TRMT11: variants seen among roughly 807,000 people sequenced by gnomAD.
TRMT11 encodes the protein tRNA methyltransferase 11, also known as tRNA (guanine(10)-N(2))-methyltransferase TRMT11.
A neutral mutation model predicts 62.8 loss-of-function variants in TRMT11; 53 were observed. The observed-to-expected ratio is 0.84, with a 90% CI of 0.68 to 1.06. The LOEUF (loss-of-function observed/expected upper bound fraction) is 1.06. TRMT11 is among the 50% of genes least tolerant of loss of function. The pLI is 0.00. For synonymous variants in TRMT11, 188 were observed against 190.3 expected (o/e 0.99, Z 0.10); for missense variants, 556 against 553.4 (o/e 1.00, Z -0.05).
upstream of TRMT11, among the ~76,000 whole-genome samples, chr6:126,175,683 A>G (rs980114027): frequency 1.3e-5 from 2 of 152,180 alleles, no homozygotes; most frequent in East Asian, 1.9e-4. Context: ...ACATACAGAA[A>G]AGGCATTTTA....
chr6:126,047,920 C>CT (rs1776107167), intron 16 of TRMT11, among the ~76,000 whole-genome samples: 1 of 152,186 alleles, frequency 6.6e-6, no homozygotes, highest in East Asian at 1.9e-4. Flanking sequence ...CTCATGACTA[C>CT]TAAAGTGGAA....
the TRMT11 span, among the ~76,000 whole-genome samples, chr6:126,241,174 C>T: frequency 1.3e-5 from 2 of 152,212 alleles, no homozygotes; most frequent in Non-Finnish European, 1.5e-5. Flanking sequence ...GGTGATGCCT[C>T]GCCCTGCTTT....
intron 17 of TRMT11, among the ~76,000 whole-genome samples, chr6:126,108,391 A>G (rs1230558162): frequency 6.6e-6 from 1 of 152,228 alleles, no homozygotes; most frequent in Non-Finnish European, 1.5e-5. Context: ...AGTTCTTAAC[A>G]TATTTGACCT....
At chr6:126,210,710 T>C in the TRMT11 span, among the ~76,000 whole-genome samples, 1 of 152,222 alleles carries the variant, frequency 6.6e-6, no homozygotes. Flanking sequence ...GCTATCTCAA[T>C]TGCAATGTGT....
the TRMT11 span, among the ~76,000 whole-genome samples, chr6:126,210,935 C>T: frequency 1.3e-5 from 2 of 151,660 alleles, no homozygotes; most frequent in Non-Finnish European, 2.9e-5. Context: ...CACAAGTATG[C>T]CCTTCCCTGT....
chr6:126,060,207 C>T (rs188166460), intron 17 of TRMT11, among the ~76,000 whole-genome samples: 18 of 152,244 alleles, frequency 1.2e-4, no homozygotes, highest in South Asian at 4.1e-4. Flanking sequence ...TTTCTTCATG[C>T]GGTGGACCTG....
At chr6:126,030,344 C>T (rs536619191) in intron 12 of TRMT11, among the ~76,000 whole-genome samples, 1 of 152,240 alleles carries the variant, frequency 6.6e-6, no homozygotes, top group South Asian at 2.1e-4. Context: ...GAACTGAGCC[C>T]CGTTATATTC....
Position 126,140,339 on chromosome 6 carries a change from T to C in TRMT11, c.*1823+24484T>C, listed in dbSNP as rs1454731197. Among the ~76,000 whole-genome samples, 5 of 152,120 alleles carry C rather than the reference T, an allele frequency of 3.3e-5. No homozygotes were observed. In the East Asian group the frequency reaches 9.6e-4, roughly 29 times the overall value. On this transcript the variant is annotated intron_variant and NMD_transcript_variant, in intron 21 of 22. Transcript: ENST00000648977. ...AAAGTTATTTGTCCATGATTTCCTT[T>C]CTTGTGCTTTCTCTTGTTTTGGTAT...
chr6:126,084,424 A>G (rs1243807669), intron 17 of TRMT11, among the ~76,000 whole-genome samples: 1 of 152,066 alleles, frequency 6.6e-6, no homozygotes, highest in Non-Finnish European at 1.5e-5. Flanking sequence ...TTTTATAATC[A>G]GGTGATTTGT....
intron 12 of TRMT11, among the ~76,000 whole-genome samples, chr6:126,023,463 T>G (rs1349282513): frequency 6.6e-6 from 1 of 152,048 alleles, no homozygotes; most frequent in Non-Finnish European, 1.5e-5. Flanking sequence ...GCCTGGCCAA[T>G]GTAGTGAAAC....
chr6:126,215,848 G>A, the TRMT11 span, among the ~76,000 whole-genome samples: 4,036 of 151,954 alleles, frequency 0.027, 167 homozygotes, highest in African/African-American at 0.091. Context: ...CAAACAAACC[G>A]ACAAGCAAAA....
At chr6:126,185,118 A>C (rs1452411716) in intron 1 of TRMT11, among the ~76,000 whole-genome samples, 1 of 152,176 alleles carries the variant, frequency 6.6e-6, no homozygotes, top group Non-Finnish European at 1.5e-5. Context: ...AGGAGAAAAC[A>C]TGGTAGGTGA....
chr6:126,153,762 C>T (rs1397807546), intron 21 of TRMT11, among the ~76,000 whole-genome samples: 1 of 152,234 alleles, frequency 6.6e-6, no homozygotes, highest in Non-Finnish European at 1.5e-5. Context: ...TATCCACTCA[C>T]CACATCAGTC....
intron 16 of TRMT11, among the ~76,000 whole-genome samples, chr6:126,048,226 A>G (rs1436009321): frequency 6.6e-6 from 1 of 152,210 alleles, no homozygotes; most frequent in Non-Finnish European, 1.5e-5. Context: ...AACCAGTGCC[A>G]TTTCAATGGA....
intron 21 of TRMT11, among the ~76,000 whole-genome samples, chr6:126,148,371 A>T (rs1777999447): frequency 6.6e-6 from 1 of 152,212 alleles, no homozygotes; most frequent in Non-Finnish European, 1.5e-5. Flanking sequence ...AGTTTATGTG[A>T]TTTATTTAAT....
intron 1 of TRMT11, chr6:125,987,139 G>A (rs1336646071): frequency 6.4e-6 from 1 of 155,600 alleles, no homozygotes; most frequent in African/African-American, 2.4e-5. Flanking sequence ...CCCTCTAGGA[G>A]CTTACTGTTT....
rs546846973 is a variant in TRMT11, at chr6:126,021,373, A to T, written c.1260+93A>T. The stretch of plus-strand genomic sequence containing the variant: ...TCCTGTGATAGAGTTTGGAAATGTT[A>T]TTCCTTGATATTTTAAAAATTACAG... On this transcript the variant is annotated intron_variant, in intron 12 of 12. Transcript: ENST00000334379. 72 of 1,399,228 alleles carry T rather than the reference A, an allele frequency of 5.1e-5. No homozygotes were observed. The African/African-American group carries it at 8.3e-4, about 16-fold the overall frequency. 86.7% of individuals were successfully genotyped at this position (1,399,228 alleles called of 1,614,324 possible).
intron 17 of TRMT11, among the ~76,000 whole-genome samples, chr6:126,053,211 G>A (rs1562307702): frequency 6.6e-6 from 1 of 152,136 alleles, no homozygotes; most frequent in Non-Finnish European, 1.5e-5. Context: ...AGTTAAAATA[G>A]TGTGATCCGT....
chr6:126,267,851 T>A, the TRMT11 span, among the ~76,000 whole-genome samples: 2 of 152,156 alleles, frequency 1.3e-5, no homozygotes, highest in Non-Finnish European at 2.9e-5. Flanking sequence ...TCTGGGTGAT[T>A]AAGGGTTTCC....
Sources: allele counts gnomAD v4.1 joint callset (sites outside exome capture counted in the v4.1 genomes callset), GRCh38; gene constraint gnomAD v4.1.1; transcripts MANE v1.5; gene names NCBI Gene and HGNC (gene_info 2026-07-23, HGNC 2026-07-21).